The following WNT9B variants were observed in gnomAD, a reference collection of about 807,000 sequenced individuals.
WNT9B encodes the protein Wnt family member 9B, also known as protein Wnt-9b.
Under a neutral mutation model 30.2 loss-of-function variants are expected in WNT9B, and 12 were observed. The observed-to-expected ratio is 0.40, with a 90% CI of 0.26 to 0.64. The LOEUF is 0.64. Among genes scored for constraint, WNT9B ranks in the 30% least tolerant of loss-of-function variants. The pLI is 0.42. For synonymous variants in WNT9B, 218 were observed against 216.9 expected (o/e 1.01, Z -0.05); for missense variants, 442 against 485.2 (o/e 0.91, Z 0.84).
At chr17:46,867,854 G>A (rs1451633717) in intron 1 of WNT9B, among the ~76,000 whole-genome samples, 1 of 152,158 alleles carries the variant, frequency 6.6e-6, no homozygotes, top group African/African-American at 2.4e-5. Context: ...AAGTGGTTGG[G>A]GGTGTCCTGG....
At chr17:46,844,753 T>C (rs951235913) in intron 1 of WNT9B, among the ~76,000 whole-genome samples, 2 of 152,228 alleles carry the variant, frequency 1.3e-5, no homozygotes, top group African/African-American at 4.8e-5. Context: ...TAGTAAATTA[T>C]GGCATATTTT....
At chr17:46,874,315 C>A (rs957716703) in intron 2 of WNT9B, among the ~76,000 whole-genome samples, 1 of 152,144 alleles carries the variant, frequency 6.6e-6, no homozygotes, top group Non-Finnish European at 1.5e-5. Context: ...ATTTGAGAAC[C>A]ATCATGTGTC....
intron 1 of WNT9B, among the ~76,000 whole-genome samples, chr17:46,861,106 C>T (rs897568022): frequency 4.6e-5 from 7 of 152,236 alleles, no homozygotes. Flanking sequence ...CATATGTTGG[C>T]AGTGGAACCC....
intron 1 of WNT9B, among the ~76,000 whole-genome samples, chr17:46,841,399 T>C (rs1324336478): frequency 6.6e-6 from 1 of 152,118 alleles, no homozygotes; most frequent in Non-Finnish European, 1.5e-5. Context: ...AAGTCATGCA[T>C]CGATATTCAT....
chr17:46,848,244 A>G (rs1009619702), upstream of WNT9B, among the ~76,000 whole-genome samples: 5 of 152,128 alleles, frequency 3.3e-5, no homozygotes, highest in African/African-American at 1.2e-4. Flanking sequence ...TGCCCCATGG[A>G]GCCCGTGTCC....
chr17:46,879,882 G>T lies in WNT9B; in HGVS notation c.*3164G>T, dbSNP rs1453717869. Among the ~76,000 whole-genome samples, 1 of 152,204 alleles carries T rather than the reference G, an allele frequency of 6.6e-6. No individual in the cohort carries two copies. Among genetic ancestry groups the T allele is most frequent in the Non-Finnish European group, 1.5e-5 (1 of 68,040 alleles). On this transcript the variant is annotated 3_prime_UTR_variant, in exon 4 of 4. Transcript: ENST00000290015. ...TCAGGGGCTTTGGCTGCCTGAGAAG[G>T]CTGGAGAGACCAGGAACCCATGGAG...
chr17:46,847,995 T>C (rs1406730332), upstream of WNT9B, among the ~76,000 whole-genome samples: 9 of 149,424 alleles, frequency 6.0e-5, no homozygotes, highest in South Asian at 2.1e-4. Flanking sequence ...TGTGTGTGTG[T>C]GCACGTGCAT....
At position 46,876,334 on chromosome 17, in the gene WNT9B, G is replaced by A. The variant is rs762955367; in HGVS notation, c.690G>A (p.Pro230=). 70 of 1,614,048 alleles carry A rather than the reference G, an allele frequency of 4.3e-5. No individual in the cohort carries two copies. The highest frequency in any genetic ancestry group is 5.5e-5 in the South Asian group (5 of 91,090). ...GCACCTGCTGGAAGCAGCTCTCCCC[G>A]TTCCGTGAGACGGGCCAGGTGCTGA... is the stretch of plus-strand genomic sequence containing the variant. The part of the protein sequence containing the change: ...AVRTCWKQLS[P]FRETGQVLKL... Residue 230 remains proline (P), a synonymous_variant, in exon 4 of 4, where the codon CCG becomes CCA. Coordinates refer to ENST00000290015, the MANE Select transcript of WNT9B (RefSeq NM_003396.3).
At chr17:46,855,103 C>T (rs1023534815) in intron 1 of WNT9B, among the ~76,000 whole-genome samples, 9 of 152,120 alleles carry the variant, frequency 5.9e-5, no homozygotes, top group African/African-American at 9.7e-5. Flanking sequence ...CACAGTGAAT[C>T]GGTGGGGGAG....
chr17:46,844,288 G>C (rs1004863631), intron 1 of WNT9B, among the ~76,000 whole-genome samples: 3 of 147,678 alleles, frequency 2.0e-5, no homozygotes, highest in Non-Finnish European at 4.4e-5. Context: ...AATATGCAGT[G>C]AGGTGGAGTT....
At chr17:46,841,101 G>A (rs1246204814) in intron 1 of WNT9B, among the ~76,000 whole-genome samples, 1 of 152,138 alleles carries the variant, frequency 6.6e-6, no homozygotes, top group Non-Finnish European at 1.5e-5. Flanking sequence ...TAGGAAAGAG[G>A]GTGCCGACAG....
chr17:46,863,713 G>A (rs570062453), intron 1 of WNT9B, among the ~76,000 whole-genome samples: 2 of 152,312 alleles, frequency 1.3e-5, no homozygotes, highest in South Asian at 4.1e-4. Flanking sequence ...TACAGCATGG[G>A]GGTCGGACCG....
At chr17:46,870,553 C>T (rs1170060026) in intron 1 of WNT9B, among the ~76,000 whole-genome samples, 1 of 152,238 alleles carries the variant, frequency 6.6e-6, no homozygotes, top group Non-Finnish European at 1.5e-5. Context: ...GCATCTGTCT[C>T]TGCTCGGAGG....
chr17:46,873,600 T>C (rs1161415759), intron 2 of WNT9B, among the ~76,000 whole-genome samples: 1 of 152,206 alleles, frequency 6.6e-6, no homozygotes, highest in Non-Finnish European at 1.5e-5. Context: ...GGCTTGTGCC[T>C]CTAATCCTAG....
Position 46,876,583 on chromosome 17 carries a change from C to T in WNT9B, c.939C>T (p.Ser313=). 6.2e-7 allele frequency: 1 copy of T among 1,613,556 alleles called. No individual in the cohort carries two copies. Among genetic ancestry groups the T allele is most frequent in the Non-Finnish European group, 8.5e-7 (1 of 1,179,952 alleles). ...GCTCCCGGGAGGCCAGCTGCAGCAG[C>T]CTGTGCTGCGGGCGGGGCTATGACA... The part of the protein sequence containing the change: ...RVCSREASCS[S]LCCGRGYDTQ... The change falls in exon 4 of 4, where the codon AGC becomes AGT. Residue 313 remains serine, a synonymous_variant. Coordinates refer to ENST00000290015, the MANE Select transcript of WNT9B (RefSeq NM_003396.3).
chr17:46,855,933 C>A (rs2084930568), intron 1 of WNT9B, among the ~76,000 whole-genome samples: 1 of 152,206 alleles, frequency 6.6e-6, no homozygotes, highest in Admixed American at 6.5e-5. Context: ...AAATGATCCA[C>A]CCACCTCAGC....
At chr17:46,844,305 CTTTTT>C (rs34889221) in intron 1 of WNT9B, among the ~76,000 whole-genome samples, 3 of 127,416 alleles carry the variant, frequency 2.4e-5, no homozygotes, top group East Asian at 2.2e-4. Context: ...AGTTAGCCAC[CTTTTT>C]TTTTTTTTTT....
downstream of WNT9B, among the ~76,000 whole-genome samples, chr17:46,880,649 G>A (rs1375389912): frequency 6.6e-6 from 1 of 152,212 alleles, no homozygotes; most frequent in African/African-American, 2.4e-5. Flanking sequence ...GAGATGAGAA[G>A]CCTCCTCATT....
chr17:46,843,151 T>C (rs2146526960), intron 1 of WNT9B, among the ~76,000 whole-genome samples: 1 of 152,258 alleles, frequency 6.6e-6, no homozygotes, highest in South Asian at 2.1e-4. Context: ...GAAACTAGGG[T>C]AGATATTAAT....
Sources: allele counts gnomAD v4.1 joint callset (sites outside exome capture counted in the v4.1 genomes callset), GRCh38; gene constraint gnomAD v4.1.1; transcripts MANE v1.5; gene names NCBI Gene and HGNC (gene_info 2026-07-23, HGNC 2026-07-21).